The following NRG1 variants were observed in gnomAD, a reference collection of about 807,000 sequenced individuals.
The protein encoded by NRG1 is pro-neuregulin-1, membrane-bound isoform.
Under a neutral mutation model 63.8 loss-of-function variants are expected in NRG1, and 18 were observed. The ratio of observed to expected loss-of-function variants is 0.28; its 90% CI spans 0.19 to 0.42. NRG1 has a LOEUF of 0.42. Among genes scored for constraint, NRG1 ranks in the 10% least tolerant of loss-of-function variants. The pLI, the probability that NRG1 is intolerant of heterozygous loss-of-function variation, is 1.00. For missense variants in NRG1, 762 were observed against 814.7 expected (o/e 0.94, Z 0.79); for synonymous variants, 302 against 301.3 (o/e 1.00, Z -0.02).
At chr8:32,590,607 G>A (rs1004655335) in intron 1 of NRG1, among the ~76,000 whole-genome samples, 8 of 152,060 alleles carry the variant, frequency 5.3e-5, no homozygotes, top group African/African-American at 1.9e-4. Context: ...ACTACCATTG[G>A]CCTTATAAAG....
rs1388835263 is a variant in NRG1 at position 31,639,456 on chromosome 8, A to G, written c.37+25A>G. 5.2e-6 allele frequency: 8 copies of G among 1,532,922 alleles called. No individual in the cohort carries two copies. The East Asian group carries it at 1.5e-4, about 28-fold the overall frequency. 95.0% of individuals were successfully genotyped at this position (1,532,922 alleles called of 1,614,324 possible). On this transcript the variant is annotated intron_variant, in intron 1 of 10. Transcript: ENST00000519301. The stretch of plus-strand genomic sequence containing the variant: ...GGTAAACAGGCTGGCGAGGCGCAGG[A>G]CGCTGTCGCCGCCGCGGCCACCCAG...
chr8:32,659,996 A>G (rs17728839), intron 5 of NRG1, among the ~76,000 whole-genome samples: 7,111 of 152,190 alleles, frequency 0.047, 230 homozygotes, highest in Non-Finnish European at 0.077. Context: ...TCTTATTTGG[A>G]TGCTTGCTTA....
intron 1 of NRG1, among the ~76,000 whole-genome samples, chr8:32,385,528 A>T (rs1810902937): frequency 6.6e-6 from 1 of 152,066 alleles, no homozygotes; most frequent in Non-Finnish European, 1.5e-5. Context: ...GTTTCTGGGG[A>T]GGCCTAGGGA....
At chr8:32,481,758 G>A (rs1055405021) in intron 1 of NRG1, among the ~76,000 whole-genome samples, 3 of 152,216 alleles carry the variant, frequency 2.0e-5, no homozygotes, top group Non-Finnish European at 2.9e-5. Context: ...ACAGTGTTTT[G>A]TGGACTTTCC....
chr8:32,412,426 A>ATC (rs1815142047), intron 1 of NRG1, among the ~76,000 whole-genome samples: 2 of 44,354 alleles, frequency 4.5e-5, no homozygotes, highest in African/African-American at 1.5e-4. Context: ...CTCTCTACAT[A>ATC]TATATATATA....
chr8:32,135,953 G>A (rs1585562512), intron 1 of NRG1, among the ~76,000 whole-genome samples: 1 of 142,694 alleles, frequency 7.0e-6, no homozygotes, highest in Admixed American at 7.5e-5. Flanking sequence ...CCATGCGGGA[G>A]TGATTGTTGA....
At chr8:31,947,944 CAAAAAAA>C (rs55953491) in intron 1 of NRG1, among the ~76,000 whole-genome samples, 3 of 32,956 alleles carry the variant, frequency 9.1e-5, no homozygotes, top group Non-Finnish European at 1.9e-4. Flanking sequence ...GACTCCATCT[CAAAAAAA>C]AAAAAAAAAA....
chr8:32,585,213 C>G (rs1563707548), intron 1 of NRG1, among the ~76,000 whole-genome samples: 2 of 151,934 alleles, frequency 1.3e-5, no homozygotes, highest in Non-Finnish European at 2.9e-5. Context: ...AGAAAAAAAT[C>G]CTGTTTTATG....
chr8:32,643,676 A>T (rs1276384102), intron 5 of NRG1, among the ~76,000 whole-genome samples: 1 of 152,194 alleles, frequency 6.6e-6, no homozygotes, highest in Non-Finnish European at 1.5e-5. Flanking sequence ...CATAACTGAA[A>T]TCGCTTCCCA....
intron 1 of NRG1, among the ~76,000 whole-genome samples, chr8:31,799,515 C>G (rs1338733615): frequency 6.6e-6 from 1 of 152,012 alleles, no homozygotes; most frequent in African/African-American, 2.4e-5. Context: ...TTCACAGTAT[C>G]CATGATTCCA....
At chr8:32,495,619 C>A (rs994608291) in intron 1 of NRG1, among the ~76,000 whole-genome samples, 6 of 152,044 alleles carry the variant, frequency 3.9e-5, no homozygotes, top group African/African-American at 1.5e-4. Flanking sequence ...CTCGCCACCA[C>A]GCCCAGCTAA....
At chr8:32,454,097 G>A (rs1014610910) in intron 1 of NRG1, among the ~76,000 whole-genome samples, 1 of 152,196 alleles carries the variant, frequency 6.6e-6, no homozygotes, top group Non-Finnish European at 1.5e-5. Context: ...ACAGTTTCAT[G>A]TGTGCCTATA....
chr8:31,764,264 A>G (rs1341146343), intron 1 of NRG1, among the ~76,000 whole-genome samples: 1 of 152,124 alleles, frequency 6.6e-6, no homozygotes, highest in East Asian at 1.9e-4. Flanking sequence ...GTTTGCCCCA[A>G]CGGTGATATC....
At chr8:32,016,182 G>A (rs1474950625) in intron 1 of NRG1, among the ~76,000 whole-genome samples, 1 of 152,058 alleles carries the variant, frequency 6.6e-6, no homozygotes, top group Non-Finnish European at 1.5e-5. Context: ...ATCTCTCAAA[G>A]TCTATTTAGG....
intron 1 of NRG1, among the ~76,000 whole-genome samples, chr8:31,683,569 A>G (rs958621449): frequency 1.3e-5 from 2 of 152,198 alleles, no homozygotes; most frequent in African/African-American, 4.8e-5. Context: ...CAGAGCATGT[A>G]GGATCTTCAG....
At chr8:32,025,931 G>A (rs1287032442) in intron 1 of NRG1, among the ~76,000 whole-genome samples, 1 of 137,386 alleles carries the variant, frequency 7.3e-6, no homozygotes, top group Non-Finnish European at 1.6e-5. Context: ...GGCCGAGAGA[G>A]CGAGACTCCG....
chr8:32,497,001 C>T (rs573603027), intron 1 of NRG1, among the ~76,000 whole-genome samples: 2 of 152,090 alleles, frequency 1.3e-5, no homozygotes, highest in African/African-American at 4.8e-5. Flanking sequence ...CCCAGAATCA[C>T]GCAGCTAGTA....
chr8:31,708,670 C>A (rs1811411468), intron 1 of NRG1, among the ~76,000 whole-genome samples: 1 of 151,892 alleles, frequency 6.6e-6, no homozygotes, highest in African/African-American at 2.4e-5. Flanking sequence ...TGGTCTCGAT[C>A]TCCTGACCTC....
chr8:32,416,189 G>A (rs968344584), intron 1 of NRG1, among the ~76,000 whole-genome samples: 1 of 152,150 alleles, frequency 6.6e-6, no homozygotes, highest in Non-Finnish European at 1.5e-5. Flanking sequence ...CCTACCTTTA[G>A]TGTCATCATA....
Sources: allele counts gnomAD v4.1 joint callset (sites outside exome capture counted in the v4.1 genomes callset), GRCh38; gene constraint gnomAD v4.1.1; transcripts MANE v1.5; gene names NCBI Gene and HGNC (gene_info 2026-07-23, HGNC 2026-07-21).